Variants in ZNF804B observed in about 807,000 individuals in gnomAD.
ZNF804B encodes zinc finger protein 804B.
A neutral mutation model predicts 101.4 loss-of-function variants in ZNF804B; 80 were observed. The ratio of observed to expected loss-of-function variants is 0.79; its 90% CI spans 0.66 to 0.95. The LOEUF (loss-of-function observed/expected upper bound fraction) is 0.95. ZNF804B is among the 40% of genes least tolerant of loss of function. The pLI, the probability that ZNF804B is intolerant of heterozygous loss-of-function variation, is 0.00. For missense variants in ZNF804B, 1,673 were observed against 1,561.9 expected, an observed-to-expected ratio of 1.07 and a Z score of -1.20; for synonymous variants, 622 against 558.8, an observed-to-expected ratio of 1.11 and a Z score of -1.59.
intron 1 of ZNF804B, among the ~76,000 whole-genome samples, chr7:88,954,436 T>C (rs1054238016): frequency 2.0e-5 from 3 of 151,732 alleles, no homozygotes; most frequent in Non-Finnish European, 4.4e-5. Flanking sequence ...TTTTAATGAA[T>C]AGAATCCTTT....
intron 1 of ZNF804B, among the ~76,000 whole-genome samples, chr7:89,075,561 C>T (rs370575669): frequency 8.4e-4 from 128 of 152,318 alleles, no homozygotes; most frequent in South Asian, 1.7e-3. Context: ...GATGTCCAGA[C>T]AGAAGTTTGC....
intron 2 of ZNF804B, among the ~76,000 whole-genome samples, chr7:89,324,561 A>G (rs1056449351): frequency 1.4e-5 from 2 of 139,848 alleles, no homozygotes; most frequent in Admixed American, 7.0e-5. Context: ...TTTATTTATT[A>G]TCTTGTTATT....
chr7:89,195,552 A>G (rs974052929), intron 1 of ZNF804B, among the ~76,000 whole-genome samples: 3 of 151,090 alleles, frequency 2.0e-5, no homozygotes, highest in African/African-American at 7.3e-5. Flanking sequence ...ATAACAGACA[A>G]ACAGAGAGCC....
intron 1 of ZNF804B, among the ~76,000 whole-genome samples, chr7:88,921,383 A>G (rs927574018): frequency 4.6e-5 from 7 of 152,148 alleles, no homozygotes; most frequent in African/African-American, 1.7e-4. Context: ...CTTTCATCAA[A>G]TTCACATTTT....
chr7:89,113,369 TA>T (rs150975962), intron 1 of ZNF804B, among the ~76,000 whole-genome samples: 2,358 of 151,766 alleles, frequency 0.016, 63 homozygotes, highest in African/African-American at 0.054. Context: ...ATAAAAGTCA[TA>T]AAAGAAGAAA....
chr7:89,201,180 A>G (rs1242703057), intron 1 of ZNF804B, among the ~76,000 whole-genome samples: 1 of 152,102 alleles, frequency 6.6e-6, no homozygotes, highest in Non-Finnish European at 1.5e-5. Flanking sequence ...CCATCACTGC[A>G]GTTTCACAGA....
intron 1 of ZNF804B, among the ~76,000 whole-genome samples, chr7:88,868,713 G>T (rs529449470): frequency 1.2e-4 from 19 of 152,166 alleles, no homozygotes; most frequent in Non-Finnish European, 2.1e-4. Context: ...CATTTCTAAA[G>T]ACAGGAAAAC....
chr7:89,168,348 A>G (rs993129793), intron 1 of ZNF804B, among the ~76,000 whole-genome samples: 6 of 152,014 alleles, frequency 3.9e-5, no homozygotes, highest in African/African-American at 1.4e-4. Flanking sequence ...ATATATGTAG[A>G]TATATATACA....
intron 1 of ZNF804B, among the ~76,000 whole-genome samples, chr7:89,004,722 C>T (rs1788347117): frequency 6.6e-6 from 1 of 151,806 alleles, no homozygotes; most frequent in African/African-American, 2.4e-5. Context: ...AAAAGTCTTG[C>T]ATAATTTTAC....
chr7:88,775,319 G>T (rs947415571), intron 1 of ZNF804B, among the ~76,000 whole-genome samples: 3 of 152,154 alleles, frequency 2.0e-5, no homozygotes, highest in Admixed American at 2.0e-4. Context: ...TTCTTTGGAG[G>T]TTGGCTCAGA....
chr7:89,051,587 A>G (rs1789205403), intron 1 of ZNF804B, among the ~76,000 whole-genome samples: 2 of 152,278 alleles, frequency 1.3e-5, no homozygotes, highest in African/African-American at 4.8e-5. Flanking sequence ...CATGATCTTC[A>G]TGTCCACTAG....
Position 88,795,369 on chromosome 7 carries a change from G to T in ZNF804B, c.108+35285G>T, listed in dbSNP as rs1442388739. On this transcript the variant is annotated intron_variant, in intron 1 of 3. Transcript: ENST00000333190. ...TATAACTTTTAAAAAAAAATCCAAG[G>T]CTTTTTAAGTCCTAATTAGCTTATG... Among the ~76,000 whole-genome samples, 6 of 151,556 alleles carry T rather than the reference G, an allele frequency of 4.0e-5. No individual in the cohort carries two copies. In the East Asian group the frequency reaches 7.7e-4, roughly 20 times the overall value.
At chr7:89,150,143 A>T (rs1020957208) in intron 1 of ZNF804B, among the ~76,000 whole-genome samples, 1 of 152,026 alleles carries the variant, frequency 6.6e-6, no homozygotes, top group South Asian at 2.1e-4. Flanking sequence ...GTCATGAATC[A>T]TTCTGTTACC....
At chr7:88,844,741 T>C (rs1012920755) in intron 1 of ZNF804B, among the ~76,000 whole-genome samples, 24 of 152,278 alleles carry the variant, frequency 1.6e-4, no homozygotes, top group African/African-American at 4.1e-4. Context: ...AAAAATGCAA[T>C]TGGAGGCTGT....
chr7:89,324,610 T>A (rs1185268522), intron 2 of ZNF804B, among the ~76,000 whole-genome samples: 1 of 147,630 alleles, frequency 6.8e-6, no homozygotes, highest in African/African-American at 2.5e-5. Context: ...CTTCTTACTT[T>A]TTTTTTTTTT....
chr7:89,231,415 A>G (rs1789189140), intron 2 of ZNF804B, among the ~76,000 whole-genome samples: 1 of 152,054 alleles, frequency 6.6e-6, no homozygotes, highest in African/African-American at 2.4e-5. Context: ...GTTTTTAACA[A>G]TTGTCATAGC....
chr7:89,141,186 A>G (rs1790710713), intron 1 of ZNF804B, among the ~76,000 whole-genome samples: 1 of 152,092 alleles, frequency 6.6e-6, no homozygotes, highest in Non-Finnish European at 1.5e-5. Context: ...TTACAATAGT[A>G]ACATCAAAGA....
chr7:89,126,759 T>C (rs1390387425), intron 1 of ZNF804B, among the ~76,000 whole-genome samples: 1 of 151,928 alleles, frequency 6.6e-6, no homozygotes, highest in Non-Finnish European at 1.5e-5. Flanking sequence ...TTTCTGAAAC[T>C]AAGCTATTTC....
chr7:89,024,006 A>G (rs1788708122), intron 1 of ZNF804B, among the ~76,000 whole-genome samples: 1 of 152,216 alleles, frequency 6.6e-6, no homozygotes, highest in Non-Finnish European at 1.5e-5. Flanking sequence ...CTGCACTGTG[A>G]CCATCACATA....
Sources: allele counts gnomAD v4.1 joint callset (sites outside exome capture counted in the v4.1 genomes callset), GRCh38; gene constraint gnomAD v4.1.1; transcripts MANE v1.5; gene names NCBI Gene and HGNC (gene_info 2026-07-23, HGNC 2026-07-21).